SNX24: variants seen among roughly 807,000 people sequenced by gnomAD.
SNX24 encodes sorting nexin 24.
SNX24 carries 22 observed loss-of-function variants against 28.7 expected under a neutral mutation model. The ratio of observed to expected loss-of-function variants is 0.77; its 90% CI spans 0.55 to 1.10. The LOEUF is 1.10. Ranked by LOEUF, SNX24 falls within the 50% of genes least tolerant of loss-of-function variation. The probability of loss-of-function intolerance (pLI) is 0.00; values close to 1 mark genes in which losing one functional copy is unlikely to be tolerated. For synonymous variants in SNX24, 69 were observed against 71.5 expected, an observed-to-expected ratio of 0.96 and a Z score of 0.18; for missense variants, 221 against 201.1, an observed-to-expected ratio of 1.10 and a Z score of -0.60.
At chr5:122,979,433 G>A (rs1761302825) in intron 3 of SNX24, among the ~76,000 whole-genome samples, 1 of 152,158 alleles carries the variant, frequency 6.6e-6, no homozygotes, top group African/African-American at 2.4e-5. Flanking sequence ...AAGGGGTGTA[G>A]ATCTGGGGAC....
chr5:122,991,506 C>T (rs1445014602), intron 3 of SNX24, among the ~76,000 whole-genome samples: 1 of 152,214 alleles, frequency 6.6e-6, no homozygotes, highest in Non-Finnish European at 1.5e-5. Flanking sequence ...GTCGCCCAGG[C>T]TGGAGTGCAT....
intron 1 of SNX24, among the ~76,000 whole-genome samples, chr5:122,882,424 A>C (rs1756522505): frequency 6.6e-6 from 1 of 152,160 alleles, no homozygotes; most frequent in African/African-American, 2.4e-5. Flanking sequence ...AGTTGTGTAA[A>C]ATGTACCACC....
At chr5:122,910,350 T>C (rs1757826176) in intron 1 of SNX24, among the ~76,000 whole-genome samples, 1 of 152,170 alleles carries the variant, frequency 6.6e-6, no homozygotes, top group African/African-American at 2.4e-5. Flanking sequence ...TTGAAATTCT[T>C]TTCCTCTTCA....
At chr5:122,910,386 T>C (rs1002707398) in intron 1 of SNX24, among the ~76,000 whole-genome samples, 2 of 152,188 alleles carry the variant, frequency 1.3e-5, no homozygotes, top group East Asian at 3.9e-4. Flanking sequence ...TATTAGAATA[T>C]AGGGAATAGT....
chr5:123,007,893 A>G lies in SNX24; in HGVS notation c.*144A>G. 1 of 1,458,534 alleles carries G rather than the reference A, an allele frequency of 6.9e-7. No individual in the cohort carries two copies. The highest frequency in any genetic ancestry group is 9.0e-7 in the Non-Finnish European group (1 of 1,105,926). 90.3% of individuals were successfully genotyped at this position (1,458,534 alleles called of 1,614,324 possible). On this transcript the variant is annotated 3_prime_UTR_variant, in exon 7 of 7. Coordinates refer to ENST00000261369, the MANE Select transcript of SNX24 (RefSeq NM_014035.4). ...GCACAGTCCCAGCTTAATTCAGGGC[A>G]GGGACATTTCCATTAGAATGGTGCT...
downstream of SNX24, among the ~76,000 whole-genome samples, chr5:123,011,209 G>GA (rs145977285): frequency 0.054 from 8,170 of 150,088 alleles, 239 homozygotes; most frequent in Non-Finnish European, 0.067. Flanking sequence ...GAAGGAAAAG[G>GA]AAAAAAAAAA....
chr5:122,886,753 C>G (rs1316505031), intron 1 of SNX24, among the ~76,000 whole-genome samples: 1 of 151,926 alleles, frequency 6.6e-6, no homozygotes, highest in Non-Finnish European at 1.5e-5. Flanking sequence ...TTGCTTGAAC[C>G]CGGGAGGCGG....
downstream of SNX24, among the ~76,000 whole-genome samples, chr5:123,013,784 T>G (rs1762634448): frequency 6.6e-6 from 1 of 152,106 alleles, no homozygotes; most frequent in African/African-American, 2.4e-5. Context: ...ATTTAGATAC[T>G]CCTATGAACT....
chr5:123,003,781 T>A (rs1276604079), intron 6 of SNX24, among the ~76,000 whole-genome samples: 1 of 152,206 alleles, frequency 6.6e-6, no homozygotes, highest in Non-Finnish European at 1.5e-5. Flanking sequence ...AAAACGTATG[T>A]ATCATTGGTA....
At chr5:122,959,803 A>G (rs1462245112) in intron 3 of SNX24, among the ~76,000 whole-genome samples, 2 of 152,154 alleles carry the variant, frequency 1.3e-5, no homozygotes, top group Non-Finnish European at 1.5e-5. Flanking sequence ...AATTTAGTAC[A>G]TGGACACACA....
intron 1 of SNX24, among the ~76,000 whole-genome samples, chr5:122,884,650 A>G (rs1331428886): frequency 6.6e-6 from 1 of 152,214 alleles, no homozygotes; most frequent in Non-Finnish European, 1.5e-5. Context: ...AACTTTAATA[A>G]TAGAGAATAA....
At chr5:122,991,749 C>T (rs371337651) in intron 3 of SNX24, among the ~76,000 whole-genome samples, 35 of 152,324 alleles carry the variant, frequency 2.3e-4, no homozygotes, top group African/African-American at 7.5e-4. Flanking sequence ...GTGTGAGCCC[C>T]TGCACCCAGT....
At chr5:122,858,707 C>G (rs889252422) in intron 1 of SNX24, among the ~76,000 whole-genome samples, 2 of 152,188 alleles carry the variant, frequency 1.3e-5, no homozygotes, top group Admixed American at 1.3e-4. Flanking sequence ...TTGTGCCAAT[C>G]TGATAGGTGA....
In SNX24 at chr5:122,953,426, G is replaced by A. The variant is rs146238512; in HGVS notation, c.249+7267G>A. On this transcript the variant is annotated intron_variant, in intron 3 of 6. Transcript: ENST00000261369. Reference sequence around the variant, plus strand: ...AGCCATCAGCATTTAAATAGGAAAGGTGCTCCGAGGATAAAGAACAAAGAA... The same window carrying A: ...AGCCATCAGCATTTAAATAGGAAAGATGCTCCGAGGATAAAGAACAAAGAA... Among the ~76,000 whole-genome samples, 19 of 152,132 alleles carry A rather than the reference G, an allele frequency of 1.2e-4. No individual in the cohort carries two copies. In the East Asian group the frequency reaches 3.5e-3, roughly 28 times the overall value.
chr5:122,991,128 C>T (rs1250261438), intron 3 of SNX24, among the ~76,000 whole-genome samples: 5 of 152,086 alleles, frequency 3.3e-5, no homozygotes, highest in Admixed American at 3.3e-4. Flanking sequence ...AGCTCCTGAC[C>T]TCAAGTGATC....
intron 2 of SNX24, among the ~76,000 whole-genome samples, chr5:122,939,320 C>T (rs957011616): frequency 4.6e-5 from 7 of 152,098 alleles, no homozygotes; most frequent in African/African-American, 1.4e-4. Flanking sequence ...TGTATGTTGC[C>T]TTGTTTTAAT....
At chr5:122,886,771 A>C (rs1462942468) in intron 1 of SNX24, among the ~76,000 whole-genome samples, 1 of 151,938 alleles carries the variant, frequency 6.6e-6, no homozygotes, top group African/African-American at 2.4e-5. Context: ...CGGAGGTTGC[A>C]GTGAGCCAAG....
chr5:122,892,822 G>T (rs981264505), intron 1 of SNX24, among the ~76,000 whole-genome samples: 2 of 151,896 alleles, frequency 1.3e-5, no homozygotes, highest in Non-Finnish European at 2.9e-5. Flanking sequence ...AGGCTGGAAT[G>T]CAGTGGCTCG....
intron 1 of SNX24, among the ~76,000 whole-genome samples, chr5:122,893,091 G>T (rs1249429286): frequency 2.0e-5 from 3 of 151,668 alleles, no homozygotes; most frequent in East Asian, 1.9e-4. Context: ...TTACTAGCTG[G>T]CATTCTTCTG....
Sources: allele counts gnomAD v4.1 joint callset (sites outside exome capture counted in the v4.1 genomes callset), GRCh38; gene constraint gnomAD v4.1.1; transcripts MANE v1.5; gene names NCBI Gene and HGNC (gene_info 2026-07-23, HGNC 2026-07-21).